Variants in CPEB3 observed in about 807,000 individuals in gnomAD.
CPEB3 encodes the protein cytoplasmic polyadenylation element binding protein 3.
In CPEB3, 20 loss-of-function variants were observed where a neutral mutation model predicts 67.2. That is an observed-to-expected ratio of 0.30 (90% confidence interval 0.21 to 0.43). CPEB3 has a LOEUF of 0.43. CPEB3 is among the 20% of genes least tolerant of loss of function. The pLI is 1.00. For synonymous variants in CPEB3, 376 were observed against 393.1 expected, an observed-to-expected ratio of 0.96 and a Z score of 0.51; for missense variants, 746 against 968.6, an observed-to-expected ratio of 0.77 and a Z score of 3.05.
rs75849623 is a variant in CPEB3, at chr10:92,086,571, G to A, written c.1688-5070C>T. Among the ~76,000 whole-genome samples the A allele has an allele frequency of 6.8e-4, 103 of 152,226 alleles. No individual in the cohort carries two copies. The East Asian group carries it at 0.014, about 20-fold the overall frequency. Reference sequence around the variant, plus strand: ...AACTCTGCTTCATCATCTCGAAAGCGCAGTCTACCACTTACAATCTCACAG... The same window carrying A: ...AACTCTGCTTCATCATCTCGAAAGCACAGTCTACCACTTACAATCTCACAG... On this transcript the variant is annotated intron_variant, in intron 8 of 9. Coordinates refer to ENST00000265997, the MANE Select transcript of CPEB3 (RefSeq NM_014912.5).
intron 9 of CPEB3, among the ~76,000 whole-genome samples, chr10:92,079,744 C>A (rs73314344): frequency 0.075 from 11,454 of 152,126 alleles, 1,433 homozygotes; most frequent in African/African-American, 0.26. Flanking sequence ...AAGAAACTTG[C>A]CTGCTACACA....
chr10:92,141,895 G>A (rs913424171), intron 6 of CPEB3, among the ~76,000 whole-genome samples: 5 of 151,424 alleles, frequency 3.3e-5, no homozygotes, highest in African/African-American at 1.2e-4. Flanking sequence ...GCAGGAGCCT[G>A]TAGTCCCAGC....
chr10:92,271,244 C>A (rs1321162757), intron 1 of CPEB3, among the ~76,000 whole-genome samples: 1 of 152,140 alleles, frequency 6.6e-6, no homozygotes, highest in African/African-American at 2.4e-5. Flanking sequence ...AAAAATGTTT[C>A]AAAAACATAT....
intron 2 of CPEB3, among the ~76,000 whole-genome samples, chr10:92,234,903 C>T (rs147994489): frequency 0.016 from 2,407 of 151,988 alleles, 61 homozygotes; most frequent in African/African-American, 0.056. Context: ...CCAATCTGGG[C>T]GACAGAGCAC....
chr10:92,086,286 T>C (rs1218824979), intron 8 of CPEB3, among the ~76,000 whole-genome samples: 1 of 152,234 alleles, frequency 6.6e-6, no homozygotes, highest in East Asian at 1.9e-4. Context: ...ACTTTCTAGG[T>C]TTACCACAAT....
intron 8 of CPEB3, among the ~76,000 whole-genome samples, chr10:92,090,321 C>T (rs1843561373): frequency 6.6e-6 from 1 of 152,156 alleles, no homozygotes; most frequent in African/African-American, 2.4e-5. Context: ...GTGGGTGGAT[C>T]ACCTGAGGTC....
chr10:92,226,906 C>T (rs1851005263), intron 2 of CPEB3, among the ~76,000 whole-genome samples: 3 of 151,984 alleles, frequency 2.0e-5, no homozygotes, highest in Non-Finnish European at 4.4e-5. Flanking sequence ...GGGAGCGAAC[C>T]CAGATGTCCG....
intron 8 of CPEB3, among the ~76,000 whole-genome samples, chr10:92,086,826 G>C (rs955312009): frequency 2.0e-5 from 3 of 152,182 alleles, no homozygotes; most frequent in African/African-American, 7.2e-5. Context: ...GGCAAAGTTT[G>C]ACATCAGCTT....
chr10:92,179,105 T>C (rs556402644), intron 4 of CPEB3, among the ~76,000 whole-genome samples: 1 of 152,060 alleles, frequency 6.6e-6, no homozygotes, highest in Admixed American at 6.6e-5. Context: ...TTTGGTACTT[T>C]AAAAAAATTA....
intron 2 of CPEB3, among the ~76,000 whole-genome samples, chr10:92,215,272 C>T (rs1216575086): frequency 6.6e-6 from 1 of 151,716 alleles, no homozygotes; most frequent in East Asian, 1.9e-4. Context: ...CCTGCCTCTG[C>T]CTCCTAAGTA....
At chr10:92,052,556 A>C in intron 9 of CPEB3, 117 bp from the exon 10 acceptor site, 1 of 818,810 alleles carries the variant, frequency 1.2e-6, no homozygotes. Context: ...GCTGCTTTCA[A>C]CTCTGCTGAT....
chr10:92,181,814 T>C (rs1269862018), intron 3 of CPEB3, among the ~76,000 whole-genome samples: 1 of 152,240 alleles, frequency 6.6e-6, no homozygotes, highest in Non-Finnish European at 1.5e-5. Flanking sequence ...ATTTACTCTT[T>C]AGCACTTCAC....
At chr10:92,270,396 T>A (rs1347447251) in intron 1 of CPEB3, among the ~76,000 whole-genome samples, 2 of 151,906 alleles carry the variant, frequency 1.3e-5, no homozygotes, top group African/African-American at 2.4e-5. Context: ...ACCATTAGGA[T>A]CTGAAGGAGA....
intron 6 of CPEB3, among the ~76,000 whole-genome samples, chr10:92,132,564 A>C (rs1443884929): frequency 2.6e-5 from 4 of 152,310 alleles, no homozygotes; most frequent in South Asian, 4.1e-4. Context: ...TAGTACTACA[A>C]AAAAACATTA....
intron 4 of CPEB3, among the ~76,000 whole-genome samples, chr10:92,173,581 T>C (rs1017802067): frequency 3.7e-4 from 57 of 152,264 alleles, no homozygotes; most frequent in African/African-American, 1.3e-3. Context: ...ATAATAATAA[T>C]AATGTAACTA....
At position 92,277,816 on chromosome 10, in the gene CPEB3, G is replaced by A. The variant is rs145523978; in HGVS notation, c.-12+13110C>T. 7.1e-3 allele frequency among the ~76,000 whole-genome samples: 1,079 copies of A among 152,124 alleles called. 10 individuals are homozygous for A. Among genetic ancestry groups the A allele is most frequent in the African/African-American group, 0.024 (1,016 of 41,486 alleles). On this transcript the variant is annotated intron_variant, in intron 1 of 9. Transcript: ENST00000265997. ...TGAGGCAGGAGAATCGCTTGAACGC[G>A]GGAGGTGGAGGTTGCAGTGAGTTGA...
chr10:92,119,125 TCTTA>T (rs1424875392), intron 6 of CPEB3: 1 of 1,586,392 alleles, frequency 6.3e-7, no homozygotes, highest in Non-Finnish European at 8.7e-7. Context: ...CTGTCCTGGT[TCTTA>T]CTGTGTTGTC....
At chr10:92,160,675 T>C (rs958427668) in intron 4 of CPEB3, among the ~76,000 whole-genome samples, 2 of 152,146 alleles carry the variant, frequency 1.3e-5, no homozygotes, top group Non-Finnish European at 2.9e-5. Context: ...AGATACCCAA[T>C]GAAAACAAAT....
At chr10:92,141,891 G>A (rs988576200) in intron 6 of CPEB3, among the ~76,000 whole-genome samples, 3 of 151,270 alleles carry the variant, frequency 2.0e-5, no homozygotes, top group Non-Finnish European at 2.9e-5. Flanking sequence ...GGCGGCAGGA[G>A]CCTGTAGTCC....
Sources: allele counts gnomAD v4.1 joint callset (sites outside exome capture counted in the v4.1 genomes callset), GRCh38; gene constraint gnomAD v4.1.1; transcripts MANE v1.5; gene names NCBI Gene and HGNC (gene_info 2026-07-23, HGNC 2026-07-21).